CNTNAP2: variants seen among roughly 807,000 people sequenced by gnomAD.
The protein encoded by CNTNAP2 is contactin associated protein 2, also known as contactin-associated protein-like 2.
A neutral mutation model predicts 155.2 loss-of-function variants in CNTNAP2; 98 were observed. The ratio of observed to expected loss-of-function variants is 0.63; its 90% CI spans 0.54 to 0.75. The LOEUF is 0.75. Among genes scored for constraint, CNTNAP2 ranks in the 30% least tolerant of loss-of-function variants. CNTNAP2 has a pLI of 0.00. For synonymous variants in CNTNAP2, 651 were observed against 631.2 expected (o/e 1.03, Z -0.47); for missense variants, 1,727 against 1,688.1 (o/e 1.02, Z -0.40).
chr7:147,489,922 C>A (rs1025243642), intron 11 of CNTNAP2, among the ~76,000 whole-genome samples: 1 of 152,082 alleles, frequency 6.6e-6, no homozygotes, highest in Non-Finnish European at 1.5e-5. Context: ...GCCAAACATT[C>A]TTATATATAC....
chr7:146,763,055 G>A (rs947992731), intron 1 of CNTNAP2, among the ~76,000 whole-genome samples: 6 of 151,998 alleles, frequency 3.9e-5, no homozygotes, highest in Admixed American at 3.9e-4. Context: ...ATGCGATTTG[G>A]GTTGGGACAC....
At chr7:148,002,564 TA>T (rs200455511) in intron 15 of CNTNAP2, among the ~76,000 whole-genome samples, 1,723 of 152,308 alleles carry the variant, frequency 0.011, 17 homozygotes, top group Non-Finnish European at 0.018. Context: ...TTATTTCTCT[TA>T]AAAAATACTC....
chr7:146,855,351 G>T (rs1043302287), intron 3 of CNTNAP2, among the ~76,000 whole-genome samples: 1 of 152,018 alleles, frequency 6.6e-6, no homozygotes, highest in Non-Finnish European at 1.5e-5. Context: ...TAATTATACA[G>T]CTCCAATAAC....
chr7:148,259,684 C>T (rs550819858), intron 20 of CNTNAP2, among the ~76,000 whole-genome samples: 31 of 152,294 alleles, frequency 2.0e-4, no homozygotes, highest in South Asian at 4.1e-4. Flanking sequence ...ATCCCCAAAG[C>T]GTAAACGGCT....
intron 1 of CNTNAP2, among the ~76,000 whole-genome samples, chr7:146,280,909 C>G (rs934121618): frequency 3.3e-5 from 5 of 152,140 alleles, no homozygotes; most frequent in Non-Finnish European, 7.4e-5. Flanking sequence ...CAAAGAGACA[C>G]CATGCAAGAT....
intron 10 of CNTNAP2, among the ~76,000 whole-genome samples, chr7:147,475,836 G>A (rs948748648): frequency 2.0e-5 from 3 of 152,110 alleles, no homozygotes; most frequent in Admixed American, 2.0e-4. Flanking sequence ...TTTCTCACAT[G>A]ATAGCTGATT....
intron 23 of CNTNAP2, among the ~76,000 whole-genome samples, 195 bp from the exon 24 acceptor site, chr7:148,415,222 T>G (rs2116729454): frequency 6.6e-6 from 1 of 152,272 alleles, no homozygotes; most frequent in East Asian, 1.9e-4. Flanking sequence ...GAAGACAAGT[T>G]ACTCCTGTTT....
At chr7:148,154,693 T>C (rs1805366761) in intron 17 of CNTNAP2, among the ~76,000 whole-genome samples, 1 of 152,144 alleles carries the variant, frequency 6.6e-6, no homozygotes, top group South Asian at 2.1e-4. Flanking sequence ...TTTCAGCACT[T>C]TGGAATGCTA....
Position 146,873,340 on chromosome 7 carries a change from A to T in CNTNAP2, c.402+33436A>T, listed in dbSNP as rs201321427. 1.6e-4 allele frequency among the ~76,000 whole-genome samples: 24 copies of T among 152,298 alleles called. No homozygotes were observed. In the East Asian group the frequency reaches 2.5e-3, roughly 16 times the overall value. On this transcript the variant is annotated intron_variant, in intron 3 of 23. Coordinates refer to ENST00000361727, the MANE Select transcript of CNTNAP2 (RefSeq NM_014141.6). ...CTGCTAGAAAAATAATAGCTGTGTT[A>T]TTTGTACTGACAGTTTGTATTTCTT... is the stretch of plus-strand genomic sequence containing the variant.
chr7:147,382,835 A>T (rs994248726), intron 9 of CNTNAP2, among the ~76,000 whole-genome samples: 2 of 152,204 alleles, frequency 1.3e-5, no homozygotes, highest in African/African-American at 4.8e-5. Flanking sequence ...GAAAACCTCG[A>T]ATGATGTAGT....
chr7:147,438,394 T>C (rs1193009737), intron 10 of CNTNAP2, among the ~76,000 whole-genome samples: 1 of 149,920 alleles, frequency 6.7e-6, no homozygotes, highest in Non-Finnish European at 1.5e-5. Context: ...CTTCATTCTG[T>C]TGATATGATG....
chr7:147,912,039 T>C (rs576755809), intron 14 of CNTNAP2, among the ~76,000 whole-genome samples: 1 of 152,340 alleles, frequency 6.6e-6, no homozygotes, highest in African/African-American at 2.4e-5. Flanking sequence ...ATTCAAATTA[T>C]TTTCTGAATG....
chr7:147,100,296 A>G (rs1056595315), intron 4 of CNTNAP2, among the ~76,000 whole-genome samples: 1 of 152,176 alleles, frequency 6.6e-6, no homozygotes, highest in African/African-American at 2.4e-5. Context: ...CATTGGGCCA[A>G]CCAGATGATT....
At chr7:146,938,315 G>A (rs1310254782) in intron 3 of CNTNAP2, among the ~76,000 whole-genome samples, 1 of 151,698 alleles carries the variant, frequency 6.6e-6, no homozygotes, top group Non-Finnish European at 1.5e-5. Context: ...TATAGATACA[G>A]CGCTTTATAT....
chr7:148,176,512 C>T (rs1240443065), intron 18 of CNTNAP2, among the ~76,000 whole-genome samples: 1 of 152,186 alleles, frequency 6.6e-6, no homozygotes, highest in African/African-American at 2.4e-5. Flanking sequence ...AGCCACCACA[C>T]CCAGCCCAGA....
chr7:147,049,801 T>C (rs113638289), intron 4 of CNTNAP2, among the ~76,000 whole-genome samples: 35 of 152,262 alleles, frequency 2.3e-4, no homozygotes, highest in African/African-American at 6.0e-4. Flanking sequence ...GTGAGCACTG[T>C]TTCTGTTTGA....
intron 3 of CNTNAP2, among the ~76,000 whole-genome samples, chr7:146,946,867 C>A (rs769368828): frequency 2.6e-5 from 4 of 151,924 alleles, no homozygotes; most frequent in Non-Finnish European, 5.9e-5. Context: ...AGAAAAAGAT[C>A]ATTATTTAAA....
intron 13 of CNTNAP2, among the ~76,000 whole-genome samples, chr7:147,814,068 T>C (rs796911581): frequency 2.0e-5 from 3 of 152,214 alleles, no homozygotes. Context: ...CTTTTCTTTT[T>C]GCCTTTCCAA....
chr7:147,453,785 G>A (rs570969347), intron 10 of CNTNAP2, among the ~76,000 whole-genome samples: 6 of 151,912 alleles, frequency 3.9e-5, no homozygotes, highest in African/African-American at 1.4e-4. Flanking sequence ...AAACTTAAAA[G>A]CTAAAAAAAA....
Sources: gnomAD v4.1 joint callset for allele counts (sites outside exome capture counted in the v4.1 genomes callset) on GRCh38, gnomAD v4.1.1 for gene constraint, MANE v1.5 for transcripts, NCBI Gene and HGNC (gene_info 2026-07-23, HGNC 2026-07-21) for gene names.